Variants in KPNA4 observed in about 807,000 individuals in gnomAD.
KPNA4 encodes karyopherin subunit alpha 4.
A neutral mutation model predicts 71.3 loss-of-function variants in KPNA4; 13 were observed. The observed-to-expected ratio is 0.18, with a 90% CI of 0.12 to 0.29. KPNA4 has a LOEUF of 0.29. KPNA4 is among the 10% of genes least tolerant of loss of function. The pLI, the probability that KPNA4 is intolerant of heterozygous loss-of-function variation, is 1.00. For missense variants in KPNA4, 334 were observed against 603.2 expected (o/e 0.55, Z 4.67); for synonymous variants, 189 against 195.2 (o/e 0.97, Z 0.26).
chr3:160,553,511 A>G (rs1722080046), intron 1 of KPNA4, among the ~76,000 whole-genome samples: 1 of 152,206 alleles, frequency 6.6e-6, no homozygotes, highest in Non-Finnish European at 1.5e-5. Flanking sequence ...AGATCCATGA[A>G]CACCTACCAT....
intron 11 of KPNA4, among the ~76,000 whole-genome samples, chr3:160,518,641 C>T (rs1233809463): frequency 6.6e-6 from 1 of 151,210 alleles, no homozygotes; most frequent in Admixed American, 6.6e-5. Context: ...GGGTGGATCA[C>T]CTGAGGTCAG....
chr3:160,523,768 T>C (rs1721406290), intron 10 of KPNA4, among the ~76,000 whole-genome samples: 1 of 151,800 alleles, frequency 6.6e-6, no homozygotes, highest in Non-Finnish European at 1.5e-5. Context: ...GGAGAATCGC[T>C]GGAACCCAGG....
intron 1 of KPNA4, among the ~76,000 whole-genome samples, chr3:160,548,966 T>C (rs1000220915): frequency 1.3e-5 from 2 of 152,240 alleles, no homozygotes; most frequent in African/African-American, 4.8e-5. Flanking sequence ...TTTTTGTTGT[T>C]TTGATAGTAG....
At chr3:160,544,107 C>T (rs981672670) in intron 1 of KPNA4, among the ~76,000 whole-genome samples, 5 of 152,188 alleles carry the variant, frequency 3.3e-5, no homozygotes, top group Non-Finnish European at 5.9e-5. Flanking sequence ...ATTCACCTGC[C>T]TCGGCCTCCC....
intron 7 of KPNA4, 49 bp downstream of exon 7, chr3:160,530,806 G>C (rs777708452): frequency 1.6e-6 from 2 of 1,289,778 alleles, no homozygotes; most frequent in East Asian, 2.3e-5. Context: ...ATTTTTTACC[G>C]ACTTCTTTTA....
intron 1 of KPNA4, among the ~76,000 whole-genome samples, chr3:160,539,991 T>C (rs1040947618): frequency 5.1e-5 from 7 of 135,940 alleles, no homozygotes; most frequent in Admixed American, 4.4e-4. Flanking sequence ...AATTTTCTTT[T>C]TCTTTTCTTT....
intron 1 of KPNA4, among the ~76,000 whole-genome samples, chr3:160,539,934 C>A (rs1350094154): frequency 6.6e-6 from 1 of 151,774 alleles, no homozygotes; most frequent in Non-Finnish European, 1.5e-5. Context: ...AAAAAATTTT[C>A]TCCCATTATA....
At chr3:160,548,832 T>C (rs1721983124) in intron 1 of KPNA4, among the ~76,000 whole-genome samples, 1 of 152,218 alleles carries the variant, frequency 6.6e-6, no homozygotes, top group Non-Finnish European at 1.5e-5. Flanking sequence ...GGTCATATAA[T>C]AATTCTATTT....
At chr3:160,524,868 T>C (rs1038279243) in intron 10 of KPNA4, among the ~76,000 whole-genome samples, 1 of 152,224 alleles carries the variant, frequency 6.6e-6, no homozygotes, top group Non-Finnish European at 1.5e-5. Flanking sequence ...ATTTGTTCCA[T>C]ACAAATTAAA....
rs71628425 is a variant in KPNA4, at chr3:160,535,900, TAAAAAAAAAAAAA to T, written c.115-16_115-4del. On this transcript the variant is annotated splice_polypyrimidine_tract_variant and splice_region_variant and intron_variant, in intron 2 of 16. Transcript: ENST00000334256. Reference sequence around the variant, plus strand: ...AAGAGATGTTCATCTCTTTTATTCTTAAAAAAAAAAAAAAAAAAAAAAAAACCAAACAGAGAAT... The same window carrying T: ...AAGAGATGTTCATCTCTTTTATTCTTAAAAAAAAAAAACCAAACAGAGAAT... The T allele has an allele frequency of 3.1e-6, 1 of 324,050 alleles. No homozygotes were observed. The allele number at this position is 324,050 out of a possible 1,614,324, so 20.1% of individuals were successfully genotyped here.
Position 160,500,183 on chromosome 3 carries a change from G to C in KPNA4, c.*1921C>G, listed in dbSNP as rs1248193521. The C allele has an allele frequency of 1.3e-5, 2 of 151,632 alleles. No homozygotes were observed. Among genetic ancestry groups the C allele is most frequent in the Non-Finnish European group, 2.9e-5 (2 of 67,806 alleles). 9.4% of individuals were successfully genotyped at this position (151,632 alleles called of 1,614,324 possible). A position where few individuals can be genotyped will look rare whatever the true frequency, so the allele number is the denominator to read the frequency against. The stretch of plus-strand genomic sequence containing the variant: ...CACCCCATGTAAAACATTGCTTTAA[G>C]TTTTAATGTTTATTTCCCCAAGACA... On this transcript the variant is annotated 3_prime_UTR_variant, in exon 17 of 17. Coordinates refer to ENST00000334256, the MANE Select transcript of KPNA4 (RefSeq NM_002268.5).
intron 13 of KPNA4, among the ~76,000 whole-genome samples, 191 bp downstream of exon 13, chr3:160,513,886 C>G (rs777873397): frequency 6.6e-6 from 1 of 151,992 alleles, no homozygotes; most frequent in South Asian, 2.1e-4. Context: ...ATTTGCCCCC[C>G]ACCCCCCAAA....
At chr3:160,558,123 G>C (rs959944068) in intron 1 of KPNA4, among the ~76,000 whole-genome samples, 1 of 152,152 alleles carries the variant, frequency 6.6e-6, no homozygotes, top group African/African-American at 2.4e-5. Context: ...AGAAAACAGT[G>C]ACAAAATCTA....
chr3:160,512,710 T>C (rs1445967063), intron 13 of KPNA4, among the ~76,000 whole-genome samples: 3 of 152,120 alleles, frequency 2.0e-5, no homozygotes, highest in African/African-American at 7.2e-5. Context: ...CGTGCGCCTA[T>C]AGTCCCAGCT....
Position 160,531,068 on chromosome 3 carries a change from C to A in KPNA4, c.384-128G>T, listed in dbSNP as rs913688393. On this transcript the variant is annotated intron_variant, in intron 6 of 16. Coordinates refer to ENST00000334256, the MANE Select transcript of KPNA4 (RefSeq NM_002268.5). ...TTTCAAAAGTTATCTATCCATCCAG[C>A]ATATTTTTTTAACCCTCAACAACTG... is the stretch of plus-strand genomic sequence containing the variant. The A allele has an allele frequency of 7.6e-6, 5 of 659,300 alleles. No homozygotes were observed. The East Asian group carries it at 1.4e-4, about 19-fold the overall frequency. 40.8% of individuals were successfully genotyped at this position (659,300 alleles called of 1,614,324 possible).
At chr3:160,536,048 T>C (rs1443568552) in intron 2 of KPNA4, 151 bp from the exon 3 acceptor site, 2 of 612,132 alleles carry the variant, frequency 3.3e-6, no homozygotes, top group East Asian at 3.5e-5. Flanking sequence ...TGTAAAAAAT[T>C]AAACCAAACT....
In KPNA4 at chr3:160,519,346, T is replaced by C. The variant is rs147228197; in HGVS notation, c.903+2433A>G. ...AAGTTGCACAGTAAGAGGCTTAAAA[T>C]ATATAGCAAGCAGATGCAATGTGTG... is the stretch of plus-strand genomic sequence containing the variant. On this transcript the variant is annotated intron_variant, in intron 11 of 16. Coordinates refer to ENST00000334256, the MANE Select transcript of KPNA4 (RefSeq NM_002268.5). Among the ~76,000 whole-genome samples the C allele has an allele frequency of 6.9e-3, 1,057 of 152,310 alleles. 3 individuals are homozygous for C. The highest frequency in any genetic ancestry group is 0.013 in the Non-Finnish European group (861 of 68,026).
At chr3:160,510,872 C>T (rs929395143) in intron 13 of KPNA4, among the ~76,000 whole-genome samples, 13 of 151,678 alleles carry the variant, frequency 8.6e-5, no homozygotes, top group African/African-American at 2.9e-4. Context: ...ACTGCAACCT[C>T]CACCTCCTGG....
chr3:160,513,065 C>A (rs946017055), intron 13 of KPNA4, among the ~76,000 whole-genome samples: 4 of 152,100 alleles, frequency 2.6e-5, no homozygotes, highest in Admixed American at 2.6e-4. Flanking sequence ...CTTAATATCA[C>A]TACATGTAAG....
Sources: gnomAD v4.1 joint callset for allele counts (sites outside exome capture counted in the v4.1 genomes callset) on GRCh38, gnomAD v4.1.1 for gene constraint, MANE v1.5 for transcripts, NCBI Gene and HGNC (gene_info 2026-07-23, HGNC 2026-07-21) for gene names.